Variants in RAB18 observed in about 807,000 individuals in gnomAD.
RAB18 encodes ras-related protein Rab-18.
RAB18 carries 10 observed loss-of-function variants against 28.5 expected under a neutral mutation model. The observed-to-expected ratio is 0.35, with a 90% CI of 0.22 to 0.60. The LOEUF is 0.60. RAB18 is among the 20% of genes least tolerant of loss of function. RAB18 has a pLI of 0.78. For synonymous variants in RAB18, 93 were observed against 86.9 expected (o/e 1.07, Z -0.39); for missense variants, 188 against 244.2 (o/e 0.77, Z 1.53).
In RAB18 at chr10:27,523,265, C is replaced by CTTTTT. The variant is rs34006982; in HGVS notation, c.125-3544_125-3540dup. ...ATGATGTCTCCGAGTTTTTCTTCTT[C>CTTTTT]TTTTTTTTTTTTTTTTTTTTTTTGC... On this transcript the variant is annotated intron_variant, in intron 2 of 6. Coordinates refer to ENST00000356940, the MANE Select transcript of RAB18 (RefSeq NM_021252.5). Among the ~76,000 whole-genome samples, 463 of 79,274 alleles carry CTTTTT rather than the reference C, an allele frequency of 5.8e-3. 1 individual carries two copies. Among genetic ancestry groups the CTTTTT allele is most frequent in the East Asian group, 0.014 (25 of 1,834 alleles). The allele number at this position is 79,274 out of a possible 152,430, so 52.0% of individuals were successfully genotyped here.
intron 3 of RAB18, among the ~76,000 whole-genome samples, chr10:27,531,151 TCTTCA>T (rs1279053148): frequency 6.6e-6 from 1 of 152,076 alleles, no homozygotes; most frequent in African/African-American, 2.4e-5. Context: ...ATCTGTTAAT[TCTTCA>T]CTTAAGCATG....
rs140245472 is a variant in RAB18 at position 27,524,341 on chromosome 10, A to G, written c.125-2487A>G. On this transcript the variant is annotated intron_variant, in intron 2 of 6. Coordinates refer to ENST00000356940, the MANE Select transcript of RAB18 (RefSeq NM_021252.5). ...CTGTGTCAGTTCTGAGTCAGTTTCTATTGATTGATTTTTCTCCTCTTCAAC... is the reference window on the plus strand; with the variant it reads ...CTGTGTCAGTTCTGAGTCAGTTTCTGTTGATTGATTTTTCTCCTCTTCAAC... Among the ~76,000 whole-genome samples, 361 of 152,260 alleles carry G rather than the reference A, an allele frequency of 2.4e-3. 2 individuals are homozygous for G. The highest frequency in any genetic ancestry group is 8.3e-3 in the African/African-American group (344 of 41,550).
rs187142370 is a variant in RAB18, at chr10:27,508,000, G to A, written c.69-1875G>A. 2.0e-3 allele frequency among the ~76,000 whole-genome samples: 298 copies of A among 149,562 alleles called. 2 individuals carry two copies. Among genetic ancestry groups the A allele is most frequent in the Admixed American group, 0.011 (164 of 14,976 alleles). On this transcript the variant is annotated intron_variant, in intron 1 of 6. Transcript: ENST00000356940. ...CCACTGCATTCCAGCCTGGGTGACA[G>A]AGTGAGACCCTCTCTCTTAAAAAAA...
chr10:27,507,111 C>A (rs578049384), intron 1 of RAB18, among the ~76,000 whole-genome samples: 3,688 of 152,274 alleles, frequency 0.024, 58 homozygotes, highest in Non-Finnish European at 0.039. Flanking sequence ...AAAACATTTG[C>A]TGTGGATATG....
At chr10:27,523,674 A>G (rs1405294044) in intron 2 of RAB18, among the ~76,000 whole-genome samples, 1 of 143,798 alleles carries the variant, frequency 7.0e-6, no homozygotes, top group African/African-American at 2.6e-5. Flanking sequence ...CTGCAGTAGC[A>G]CAACCACGGC....
chr10:27,532,820 C>T (rs1834814755), intron 4 of RAB18, among the ~76,000 whole-genome samples: 1 of 152,004 alleles, frequency 6.6e-6, no homozygotes, highest in East Asian at 1.9e-4. Flanking sequence ...TCAATGAGAA[C>T]GTAATTGAGG....
At chr10:27,515,203 G>A (rs1834411150) in intron 2 of RAB18, among the ~76,000 whole-genome samples, 1 of 152,056 alleles carries the variant, frequency 6.6e-6, no homozygotes, top group Non-Finnish European at 1.5e-5. Context: ...CTAAGTAATT[G>A]GTAGCATAGA....
chr10:27,510,208 A>G lies in RAB18; in HGVS notation c.124+278A>G, dbSNP rs544691217. On this transcript the variant is annotated intron_variant, in intron 2 of 6. Coordinates refer to ENST00000356940, the MANE Select transcript of RAB18 (RefSeq NM_021252.5). ...CACACATTTCTCTCCTATACTATGG[A>G]TTGTCTTTTATTTTGTAATATACAA... 1,494 of 451,148 alleles carry G rather than the reference A, an allele frequency of 3.3e-3. 10 individuals are homozygous for G. Among genetic ancestry groups the G allele is most frequent in the Non-Finnish European group, 3.6e-3 (877 of 246,538 alleles). The allele number at this position is 451,148 out of a possible 1,614,324, so 27.9% of individuals were successfully genotyped here.
intron 3 of RAB18, among the ~76,000 whole-genome samples, chr10:27,530,133 T>C (rs1834756901): frequency 6.6e-6 from 1 of 152,042 alleles, no homozygotes; most frequent in Non-Finnish European, 1.5e-5. Flanking sequence ...TCACTTGTTT[T>C]TCTGCCAGCT....
chr10:27,505,718 C>T (rs1275977868), intron 1 of RAB18, among the ~76,000 whole-genome samples: 5 of 152,142 alleles, frequency 3.3e-5, no homozygotes, highest in Non-Finnish European at 5.9e-5. Context: ...CACTATCATG[C>T]CCAGCTAACT....
At position 27,541,173 on chromosome 10, in the gene RAB18, C is replaced by T. The variant is rs1450349278; in HGVS notation, c.*3122C>T. On this transcript the variant is annotated 3_prime_UTR_variant, in exon 7 of 7. Coordinates refer to ENST00000356940, the MANE Select transcript of RAB18 (RefSeq NM_021252.5). Reference sequence around the variant, plus strand: ...CCCTAGTTAAGTATAGGGGTAAAAACGTTATTCAGCTTTCAGAAGACATTG... The same window carrying T: ...CCCTAGTTAAGTATAGGGGTAAAAATGTTATTCAGCTTTCAGAAGACATTG... 4.4e-6 allele frequency: 2 copies of T among 453,866 alleles called. No individual in the cohort carries two copies. Among genetic ancestry groups the T allele is most frequent in the South Asian group, 3.1e-5 (2 of 64,456 alleles). 28.1% of individuals were successfully genotyped at this position (453,866 alleles called of 1,614,324 possible). A position where few individuals can be genotyped will look rare whatever the true frequency, so the allele number is the denominator to read the frequency against.
chr10:27,537,479 G>C (rs953156416), intron 6 of RAB18, among the ~76,000 whole-genome samples: 2 of 152,126 alleles, frequency 1.3e-5, no homozygotes, highest in African/African-American at 4.8e-5. Context: ...AGAATAATCA[G>C]ATTAATTGTT....
chr10:27,523,912 T>C (rs1281234445), intron 2 of RAB18, among the ~76,000 whole-genome samples: 2 of 151,822 alleles, frequency 1.3e-5, no homozygotes, highest in Non-Finnish European at 2.9e-5. Context: ...ACCTCGTCTT[T>C]ACTAAAAATA....
At chr10:27,526,792 T>G in intron 2 of RAB18, 36 bp from the exon 3 acceptor site, 1 of 1,611,390 alleles carries the variant, frequency 6.2e-7, no homozygotes, top group South Asian at 1.1e-5. Flanking sequence ...AAGTCTGTTT[T>G]ACTGGGAGAC....
intron 2 of RAB18, among the ~76,000 whole-genome samples, chr10:27,525,123 T>C (rs1408487545): frequency 1.3e-5 from 2 of 152,140 alleles, no homozygotes; most frequent in African/African-American, 4.8e-5. Flanking sequence ...GAAATAATAA[T>C]AGAGAAAGAG....
chr10:27,512,737 C>G (rs1460799647), intron 2 of RAB18, among the ~76,000 whole-genome samples: 1 of 151,944 alleles, frequency 6.6e-6, no homozygotes, highest in Non-Finnish European at 1.5e-5. Context: ...AATAAACTTG[C>G]CTAAAGTTAA....
chr10:27,538,529 T>A lies in RAB18; in HGVS notation c.*478T>A, dbSNP rs1310728957. 4.4e-6 allele frequency: 2 copies of A among 454,498 alleles called. No homozygotes were observed. Among genetic ancestry groups the A allele is most frequent in the East Asian group, 1.4e-4 (2 of 14,414 alleles). The allele number at this position is 454,498 out of a possible 1,614,324, so 28.2% of individuals were successfully genotyped here. On this transcript the variant is annotated 3_prime_UTR_variant, in exon 7 of 7. Transcript: ENST00000356940. Reference sequence around the variant, plus strand: ...TGATTCCACAGCTTTTCTGGGATGTTTGAGATTCTTTTTTAGTACTAAGCA... The same window carrying A: ...TGATTCCACAGCTTTTCTGGGATGTATGAGATTCTTTTTTAGTACTAAGCA...
intron 2 of RAB18, among the ~76,000 whole-genome samples, chr10:27,513,544 A>G (rs1368677699): frequency 1.3e-5 from 2 of 152,194 alleles, no homozygotes; most frequent in Non-Finnish European, 2.9e-5. Context: ...AGATGGTACT[A>G]TAAAGTTAGC....
At chr10:27,528,245 T>A (rs1834718429) in intron 3 of RAB18, 1 of 451,582 alleles carries the variant, frequency 2.2e-6, no homozygotes, top group African/African-American at 2.0e-5. Flanking sequence ...AGTTCCTGCC[T>A]AATAAAAAGG....
Sources: gnomAD v4.1 joint callset for allele counts (sites outside exome capture counted in the v4.1 genomes callset) on GRCh38, gnomAD v4.1.1 for gene constraint, MANE v1.5 for transcripts, NCBI Gene and HGNC (gene_info 2026-07-23, HGNC 2026-07-21) for gene names.